The following VPS13A variants were observed in gnomAD, a reference collection of about 807,000 sequenced individuals.
VPS13A encodes the protein intermembrane lipid transfer protein VPS13A.
Under a neutral mutation model 390.9 loss-of-function variants are expected in VPS13A, and 264 were observed. The ratio of observed to expected loss-of-function variants is 0.68; its 90% CI spans 0.61 to 0.75. The LOEUF (loss-of-function observed/expected upper bound fraction) is 0.75, where lower values mean the gene tolerates loss of function less well. Ranked by LOEUF, VPS13A falls within the 30% of genes least tolerant of loss-of-function variation. The probability of loss-of-function intolerance (pLI) is 0.00; values close to 1 mark genes in which losing one functional copy is unlikely to be tolerated. For missense variants in VPS13A, 3,409 were observed against 3,733.9 expected (o/e 0.91, Z 2.27); for synonymous variants, 1,231 against 1,227.1 (o/e 1.00, Z -0.07).
At chr9:77,192,837 A>G (rs766269360) in intron 1 of VPS13A, among the ~76,000 whole-genome samples, 1 of 152,048 alleles carries the variant, frequency 6.6e-6, no homozygotes, top group African/African-American at 2.4e-5. Flanking sequence ...GTCATCTTGT[A>G]TAGTATCTTG....
chr9:77,241,464 T>C (rs1213459398), intron 19 of VPS13A, among the ~76,000 whole-genome samples: 1 of 150,520 alleles, frequency 6.6e-6, no homozygotes, highest in Non-Finnish European at 1.5e-5. Flanking sequence ...AGATCATAAG[T>C]ACAGTATTTT....
rs1486058784 is a variant in VPS13A, at chr9:77,214,309, A to G, written c.697-20A>G. On this transcript the variant is annotated intron_variant, in intron 9 of 71. Transcript: ENST00000360280. Reference sequence around the variant, plus strand: ...ACATATTGGCATGAATATAAATAAAAGCAATTTGTCTTTTAATAGGACGAC... The same window carrying G: ...ACATATTGGCATGAATATAAATAAAGGCAATTTGTCTTTTAATAGGACGAC... The G allele has an allele frequency of 1.2e-6, 2 of 1,606,494 alleles. No individual in the cohort carries two copies. Among genetic ancestry groups the G allele is most frequent in the South Asian group, 2.2e-5 (2 of 90,924 alleles).
intron 52 of VPS13A, among the ~76,000 whole-genome samples, chr9:77,346,013 T>C (rs1429301666): frequency 6.6e-6 from 1 of 152,200 alleles, no homozygotes; most frequent in African/African-American, 2.4e-5. Context: ...TAATGACTTC[T>C]CTTCCTTTGA....
chr9:77,279,030 G>T (rs1239677631), intron 26 of VPS13A, among the ~76,000 whole-genome samples: 2 of 152,164 alleles, frequency 1.3e-5, no homozygotes, highest in African/African-American at 4.8e-5. Context: ...GAAGCCCAAG[G>T]GGCATGTGTT....
At chr9:77,252,769 C>T (rs1304968345) in intron 22 of VPS13A, among the ~76,000 whole-genome samples, 2 of 152,182 alleles carry the variant, frequency 1.3e-5, no homozygotes, top group African/African-American at 4.8e-5. Flanking sequence ...TGGGTTTCTT[C>T]ACTTAGCATA....
chr9:77,382,825 G>A (rs1833510947), intron 68 of VPS13A: 3 of 985,202 alleles, frequency 3.0e-6, no homozygotes, highest in South Asian at 9.4e-5. Flanking sequence ...GTAGCATCTG[G>A]AACAATAGAC....
At chr9:77,357,949 AG>A in intron 56 of VPS13A, 111 bp downstream of exon 56, 1 of 635,688 alleles carries the variant, frequency 1.6e-6, no homozygotes. Context: ...ATGTTGTGCT[AG>A]CCTTTTTTTT....
In VPS13A at chr9:77,415,959, A is replaced by G. The variant is rs1348733514; in HGVS notation, c.9478A>G (p.Ile3160Val). The G allele has an allele frequency of 6.2e-7, 1 of 1,613,460 alleles. No homozygotes were observed. The highest frequency in any genetic ancestry group is 8.5e-7 in the Non-Finnish European group (1 of 1,179,484). ...TTCATTTATTTTCCCACCGCAGTGG[A>G]TCCTCACAAAGCTACAAGAAGCAAG... ...NFKTPEDARW[I>V]LTKLQEAREP... Residue 3160 changes from isoleucine to valine, a missense_variant, in exon 72 of 72, where the codon ATC becomes GTC. Physicochemically the swap from Ile to Val is conservative, Grantham distance 29. Coordinates refer to ENST00000360280, the MANE Select transcript of VPS13A (RefSeq NM_033305.3).
chr9:77,366,409 T>G (rs781763887), intron 60 of VPS13A, among the ~76,000 whole-genome samples: 1 of 152,108 alleles, frequency 6.6e-6, no homozygotes, highest in Non-Finnish European at 1.5e-5. Context: ...TGTATTTGAG[T>G]CATTTTCAAC....
chr9:77,352,027 G>T (rs1465467282), intron 53 of VPS13A, among the ~76,000 whole-genome samples: 1 of 152,116 alleles, frequency 6.6e-6, no homozygotes, highest in Non-Finnish European at 1.5e-5. Flanking sequence ...GTCTTATTTT[G>T]TTTACATCAT....
At chr9:77,403,419 C>T in intron 69 of VPS13A, 98 bp downstream of exon 69, 1 of 984,722 alleles carries the variant, frequency 1.0e-6, no homozygotes, top group Non-Finnish European at 1.6e-6. Context: ...TCCATATAGT[C>T]ACACTGATTC....
In VPS13A at chr9:77,339,489, G is replaced by GTTTTTTTTT. The variant is rs765264048; in HGVS notation, c.6379-23_6379-22insTTTTTTTTT. 6 of 1,122,350 alleles carry GTTTTTTTTT rather than the reference G, an allele frequency of 5.3e-6. 1 individual carries two copies. Among genetic ancestry groups the GTTTTTTTTT allele is most frequent in the Admixed American group, 2.9e-5 (1 of 34,294 alleles). 69.5% of individuals were successfully genotyped at this position (1,122,350 alleles called of 1,614,324 possible). A position where few individuals can be genotyped will look rare whatever the true frequency, so the allele number is the denominator to read the frequency against. Reference sequence around the variant, plus strand: ...ATTATTCTGCAACATTTTAAATTTTGTTTTGTTTTTTTTTTTTTTATTACA... The same window carrying GTTTTTTTTT: ...ATTATTCTGCAACATTTTAAATTTTGTTTTTTTTTTTTTGTTTTTTTTTTTTTTATTACA... On this transcript the variant is annotated intron_variant, in intron 47 of 71. Transcript: ENST00000360280.
At chr9:77,260,732 A>G (rs1480127348) in intron 23 of VPS13A, among the ~76,000 whole-genome samples, 2 of 152,070 alleles carry the variant, frequency 1.3e-5, no homozygotes. Flanking sequence ...TAATAAATCT[A>G]CTTTTCTAAT....
Position 77,204,170 on chromosome 9 carries a change from C to T in VPS13A, c.188-1143C>T, listed in dbSNP as rs534279618. On this transcript the variant is annotated intron_variant, in intron 3 of 71. Coordinates refer to ENST00000360280, the MANE Select transcript of VPS13A (RefSeq NM_033305.3). ...GATCTAAGTGGATTTAAAAAAATTT[C>T]CCAATCACTAACCAGTTTTAGCAAC... is the stretch of plus-strand genomic sequence containing the variant. Among the ~76,000 whole-genome samples the T allele has an allele frequency of 1.4e-4, 21 of 152,192 alleles. No homozygotes were observed. In the South Asian group the frequency reaches 4.1e-3, roughly 30 times the overall value.
chr9:77,208,664 C>G (rs1282606038), intron 5 of VPS13A, among the ~76,000 whole-genome samples: 2 of 151,958 alleles, frequency 1.3e-5, no homozygotes, highest in East Asian at 3.9e-4. Flanking sequence ...ATTCTCCTGC[C>G]TCAGCCTCCC....
intron 19 of VPS13A, among the ~76,000 whole-genome samples, chr9:77,241,699 G>A (rs781035158): frequency 9.2e-5 from 14 of 151,974 alleles, no homozygotes; most frequent in Non-Finnish European, 1.6e-4. Flanking sequence ...CCTTCATTTC[G>A]GGAAGATTTA....
At chr9:77,202,454 G>A (rs927872115) in intron 3 of VPS13A, among the ~76,000 whole-genome samples, 3 of 151,966 alleles carry the variant, frequency 2.0e-5, no homozygotes, top group Non-Finnish European at 4.4e-5. Flanking sequence ...GTATAAAAAG[G>A]ATTTCTCATA....
chr9:77,389,468 G>T (rs1048904382), intron 68 of VPS13A, among the ~76,000 whole-genome samples: 3 of 151,960 alleles, frequency 2.0e-5, no homozygotes, highest in Admixed American at 2.0e-4. Context: ...ACTATGCCAG[G>T]CTAATTTTTT....
At chr9:77,295,900 A>G in intron 33 of VPS13A, 54 bp downstream of exon 33, 1 of 1,570,050 alleles carries the variant, frequency 6.4e-7, no homozygotes, top group Non-Finnish European at 8.7e-7. Context: ...CTAACTTTTT[A>G]AAGACTTTGA....
Sources: gnomAD v4.1 joint callset for allele counts (sites outside exome capture counted in the v4.1 genomes callset) on GRCh38, gnomAD v4.1.1 for gene constraint, MANE v1.5 for transcripts, NCBI Gene and HGNC (gene_info 2026-07-23, HGNC 2026-07-21) for gene names.